Variants in CNTNAP2 observed in about 807,000 individuals in gnomAD.
The protein encoded by CNTNAP2 is contactin associated protein 2.
In CNTNAP2, 98 loss-of-function variants were observed where a neutral mutation model predicts 155.2. The ratio of observed to expected loss-of-function variants is 0.63; its 90% CI spans 0.54 to 0.75. CNTNAP2 has a LOEUF of 0.75. Among genes scored for constraint, CNTNAP2 ranks in the 30% least tolerant of loss-of-function variants. The pLI is 0.00. For synonymous variants in CNTNAP2, 651 were observed against 631.2 expected (o/e 1.03, Z -0.47); for missense variants, 1,727 against 1,688.1 (o/e 1.02, Z -0.40).
At chr7:147,807,340 A>C (rs1315969031) in intron 13 of CNTNAP2, among the ~76,000 whole-genome samples, 1 of 150,718 alleles carries the variant, frequency 6.6e-6, no homozygotes, top group Admixed American at 6.6e-5. Flanking sequence ...AAAAAAAAAA[A>C]AAAAACGAAA....
chr7:146,816,999 A>G (rs1803183599), intron 2 of CNTNAP2, among the ~76,000 whole-genome samples: 1 of 152,194 alleles, frequency 6.6e-6, no homozygotes, highest in African/African-American at 2.4e-5. Context: ...AACTTGGAAA[A>G]TACCAAAATT....
At chr7:147,333,656 T>C (rs1795615355) in intron 9 of CNTNAP2, among the ~76,000 whole-genome samples, 1 of 152,204 alleles carries the variant, frequency 6.6e-6, no homozygotes, top group South Asian at 2.1e-4. Context: ...TTTTCATATT[T>C]TTAATAATCC....
chr7:146,502,016 C>A (rs564435050), intron 1 of CNTNAP2, among the ~76,000 whole-genome samples: 1 of 151,552 alleles, frequency 6.6e-6, no homozygotes, highest in Non-Finnish European at 1.5e-5. Context: ...CCTATCCTTC[C>A]GAGCCTCTGA....
chr7:148,413,448 T>TATATA (rs1563079571), intron 23 of CNTNAP2, among the ~76,000 whole-genome samples: 2 of 101,472 alleles, frequency 2.0e-5, no homozygotes, highest in African/African-American at 4.3e-5. Context: ...ATATATATAT[T>TATATA]GCTCCATAGT....
chr7:146,461,738 A>G (rs564883398), intron 1 of CNTNAP2, among the ~76,000 whole-genome samples: 12 of 152,178 alleles, frequency 7.9e-5, no homozygotes, highest in Admixed American at 1.3e-4. Flanking sequence ...GTACCTGTCT[A>G]AATTTAAGTG....
intron 8 of CNTNAP2, among the ~76,000 whole-genome samples, chr7:147,248,209 T>G (rs1804110227): frequency 6.6e-6 from 1 of 152,224 alleles, no homozygotes; most frequent in Non-Finnish European, 1.5e-5. Context: ...TTAAAATAGT[T>G]GTTTATTTAC....
intron 1 of CNTNAP2, among the ~76,000 whole-genome samples, chr7:146,721,621 CTATATACATTCTATATATATTCTATA>C (rs1801321298): frequency 8.9e-6 from 1 of 112,172 alleles, no homozygotes; most frequent in South Asian, 2.5e-4. Flanking sequence ...TATATATATT[CTATATACATTCTATATATATTCTATA>C]TATATTCTAT....
At chr7:146,879,800 G>A (rs1795503086) in intron 3 of CNTNAP2, among the ~76,000 whole-genome samples, 1 of 152,184 alleles carries the variant, frequency 6.6e-6, no homozygotes, top group East Asian at 1.9e-4. Flanking sequence ...GTATTAGTCT[G>A]TTTTCACACT....
At chr7:146,377,321 C>A (rs866963777) in intron 1 of CNTNAP2, among the ~76,000 whole-genome samples, 2 of 152,166 alleles carry the variant, frequency 1.3e-5, no homozygotes, top group Non-Finnish European at 1.5e-5. Flanking sequence ...TTCTCGTTTT[C>A]TCCCATTCTT....
intron 13 of CNTNAP2, among the ~76,000 whole-genome samples, chr7:147,653,128 G>A (rs895890400): frequency 6.6e-6 from 1 of 152,148 alleles, no homozygotes; most frequent in Non-Finnish European, 1.5e-5. Context: ...TAATATCAAG[G>A]TATTTCAAAT....
At chr7:147,460,360 T>G (rs1798001137) in intron 10 of CNTNAP2, among the ~76,000 whole-genome samples, 1 of 152,162 alleles carries the variant, frequency 6.6e-6, no homozygotes, top group African/African-American at 2.4e-5. Flanking sequence ...ACAACTGTAT[T>G]AGGTGTGTAA....
intron 10 of CNTNAP2, among the ~76,000 whole-genome samples, chr7:147,439,645 C>G (rs1417045636): frequency 6.6e-6 from 1 of 151,884 alleles, no homozygotes; most frequent in Non-Finnish European, 1.5e-5. Flanking sequence ...TTGATTTTCT[C>G]TCTGAAAGAT....
chr7:148,240,480 G>A (rs1796125795), intron 20 of CNTNAP2, among the ~76,000 whole-genome samples: 2 of 152,266 alleles, frequency 1.3e-5, no homozygotes, highest in South Asian at 4.2e-4. Context: ...ATTTCCCCTT[G>A]AGGACAATGT....
intron 3 of CNTNAP2, among the ~76,000 whole-genome samples, chr7:146,870,633 C>T (rs1039621509): frequency 6.6e-6 from 1 of 152,110 alleles, no homozygotes; most frequent in Non-Finnish European, 1.5e-5. Flanking sequence ...TCAGAGGCTG[C>T]TCATTTCTCA....
intron 8 of CNTNAP2, among the ~76,000 whole-genome samples, chr7:147,274,643 T>G (rs370171899): frequency 3.3e-5 from 5 of 152,268 alleles, no homozygotes; most frequent in African/African-American, 1.2e-4. Context: ...TTCTGTTGTT[T>G]ATTTCTTTTG....
At chr7:146,412,979 C>A (rs187810997) in intron 1 of CNTNAP2, among the ~76,000 whole-genome samples, 1 of 152,062 alleles carries the variant, frequency 6.6e-6, no homozygotes, top group Non-Finnish European at 1.5e-5. Flanking sequence ...AATGAAGACC[C>A]CCCTCAGTTA....
chr7:146,599,619 T>G (rs776855664), intron 1 of CNTNAP2, among the ~76,000 whole-genome samples: 2 of 151,984 alleles, frequency 1.3e-5, no homozygotes, highest in Non-Finnish European at 2.9e-5. Flanking sequence ...CCTTATATTA[T>G]GCTTTAATGT....
rs1475679080 is a variant in CNTNAP2, at chr7:148,416,949, T to G, written c.*1333T>G. ...CAAATAAATACCTCATTGATTATAT[T>G]TAAAAGTAATACACTTCCTGTAAAC... is the stretch of plus-strand genomic sequence containing the variant. On this transcript the variant is annotated 3_prime_UTR_variant, in exon 24 of 24. Transcript: ENST00000361727. 1 of 152,312 alleles carries G rather than the reference T, an allele frequency of 6.6e-6. No individual in the cohort carries two copies. 9.4% of individuals were successfully genotyped at this position (152,312 alleles called of 1,614,324 possible).
At chr7:147,726,710 T>G (rs370813806) in intron 13 of CNTNAP2, among the ~76,000 whole-genome samples, 2 of 152,170 alleles carry the variant, frequency 1.3e-5, no homozygotes, top group Admixed American at 6.6e-5. Context: ...AAATCTGATT[T>G]ACAACTAAAT....
Sources: allele counts gnomAD v4.1 joint callset (sites outside exome capture counted in the v4.1 genomes callset), GRCh38; gene constraint gnomAD v4.1.1; transcripts MANE v1.5; gene names NCBI Gene and HGNC (gene_info 2026-07-23, HGNC 2026-07-21).